The following SRRM4 variants were observed in gnomAD, a reference collection of about 807,000 sequenced individuals.
The protein encoded by SRRM4 is serine/arginine repetitive matrix 4.
SRRM4 carries 33 observed loss-of-function variants against 68.9 expected under a neutral mutation model. That is an observed-to-expected ratio of 0.48 (90% CI 0.36 to 0.64). The LOEUF (loss-of-function observed/expected upper bound fraction) is 0.64. Among genes scored for constraint, SRRM4 ranks in the 30% least tolerant of loss-of-function variants. SRRM4 has a pLI of 0.00. For missense variants in SRRM4, 817 were observed against 827.1 expected (o/e 0.99, Z 0.15); for synonymous variants, 318 against 318.8 (o/e 1.00, Z 0.03).
intron 1 of SRRM4, among the ~76,000 whole-genome samples, chr12:119,096,475 G>T (rs996651008): frequency 6.6e-6 from 1 of 152,206 alleles, no homozygotes; most frequent in African/African-American, 2.4e-5. Flanking sequence ...GAAGATGAGT[G>T]AGAAGTGCTT....
chr12:119,071,016 C>T (rs1953874800), intron 1 of SRRM4, among the ~76,000 whole-genome samples: 2 of 152,152 alleles, frequency 1.3e-5, no homozygotes, highest in Non-Finnish European at 1.5e-5. Flanking sequence ...ACCTCTCCCA[C>T]GGGGGCTTAG....
At chr12:119,003,268 C>T (rs897609448) in intron 1 of SRRM4, among the ~76,000 whole-genome samples, 8 of 151,688 alleles carry the variant, frequency 5.3e-5, no homozygotes, top group South Asian at 2.1e-4. Context: ...CTACCCCCTC[C>T]CCATCCCCCG....
chr12:119,109,542 T>A (rs1401425394), intron 2 of SRRM4, among the ~76,000 whole-genome samples: 2 of 152,192 alleles, frequency 1.3e-5, no homozygotes, highest in African/African-American at 4.8e-5. Context: ...TCTCTAAACT[T>A]CTCTTCTCAC....
intron 1 of SRRM4, among the ~76,000 whole-genome samples, chr12:119,065,077 C>G (rs1400295529): frequency 6.6e-6 from 1 of 152,128 alleles, no homozygotes; most frequent in East Asian, 1.9e-4. Flanking sequence ...GAGGTGGGTA[C>G]TATTAACATT....
rs1387724863 is a variant in SRRM4, at chr12:119,151,127, C to A, written c.1187C>A (p.Ala396Asp). 6.2e-7 allele frequency: 1 copy of A among 1,614,004 alleles called. No individual in the cohort carries two copies. Among genetic ancestry groups the A allele is most frequent in the South Asian group, 1.1e-5 (1 of 91,086 alleles). Reference protein sequence around the residue: ...MKGCSRSSSYASTRSSSHSSR... With the variant: ...MKGCSRSSSYDSTRSSSHSSR... The stretch of plus-strand genomic sequence containing the variant: ...GGGTGTTCCCGCAGCTCCTCCTATG[C>A]CAGCACCCGATCCTCCAGTCACTCG... The change falls in exon 10 of 13, where the codon GCC (alanine) becomes GAC (aspartate). Residue 396 changes from alanine (A) to aspartate (D), a missense_variant. Transcript: ENST00000267260.
At chr12:119,129,801 T>C (rs1352638198) in intron 7 of SRRM4, among the ~76,000 whole-genome samples, 1 of 151,920 alleles carries the variant, frequency 6.6e-6, no homozygotes, top group Admixed American at 6.6e-5. Context: ...GAATAGATTG[T>C]TGGTTAGGTA....
chr12:119,091,161 C>G (rs1386900078), intron 1 of SRRM4, among the ~76,000 whole-genome samples: 2 of 152,188 alleles, frequency 1.3e-5, no homozygotes, highest in Admixed American at 1.3e-4. Context: ...ACTGAGCCAT[C>G]CTCTCAGAAG....
chr12:119,110,229 A>G (rs1403658241), intron 2 of SRRM4, among the ~76,000 whole-genome samples: 1 of 152,180 alleles, frequency 6.6e-6, no homozygotes, highest in South Asian at 2.1e-4. Context: ...GGTGTCAGTC[A>G]GCCCTTACTG....
intron 7 of SRRM4, 51 bp downstream of exon 7, chr12:119,125,530 C>T: frequency 1.3e-6 from 2 of 1,526,108 alleles, no homozygotes; most frequent in Middle Eastern, 1.7e-4. Flanking sequence ...CGAGCCCAGG[C>T]TAAGACACTG....
chr12:119,047,457 A>G (rs561301231), intron 1 of SRRM4, among the ~76,000 whole-genome samples: 12 of 152,254 alleles, frequency 7.9e-5, no homozygotes, highest in African/African-American at 1.7e-4. Flanking sequence ...ACTGTACCCA[A>G]TGTGTAGTCT....
At position 119,161,103 on chromosome 12, in the gene SRRM4, G is replaced by A. The variant is rs556336698; in HGVS notation, c.*4305G>A. On this transcript the variant is annotated 3_prime_UTR_variant, in exon 13 of 13. Coordinates refer to ENST00000267260, the MANE Select transcript of SRRM4 (RefSeq NM_194286.4). ...GGCCAAAATTCAGGGTGCTCTCAAA[G>A]GCAAAGAAAGCACATTGTTTTCCTT... 3.3e-5 allele frequency: 5 copies of A among 152,210 alleles called. No homozygotes were observed. The highest frequency in any genetic ancestry group is 9.7e-5 in the African/African-American group (4 of 41,446). 9.4% of individuals were successfully genotyped at this position (152,210 alleles called of 1,614,324 possible). A position where few individuals can be genotyped will look rare whatever the true frequency, so the allele number is the denominator to read the frequency against.
At position 119,130,823 on chromosome 12, in the gene SRRM4, G is replaced by T. The variant is rs1275333104; in HGVS notation, c.760G>T (p.Ala254Ser). The change falls in exon 8 of 13, where the codon GCC becomes TCC. Residue 254 changes from alanine (A) to serine (S), a missense_variant. By Grantham distance (99) the Ala-to-Ser change is moderately conservative. Transcript: ENST00000267260. ...QPLQMLGYLS[A>S]RGVITGSGSA... ...CCTCCAGATGCTTGGCTACCTGTCA[G>T]CCAGGGGTGTAGTAAGTATTCTTCA... 4 of 1,604,700 alleles carry T rather than the reference G, an allele frequency of 2.5e-6. No individual in the cohort carries two copies. The highest frequency in any genetic ancestry group is 3.4e-6 in the Non-Finnish European group (4 of 1,179,568).
At chr12:119,079,703 G>A (rs1953936526) in intron 1 of SRRM4, among the ~76,000 whole-genome samples, 1 of 152,120 alleles carries the variant, frequency 6.6e-6, no homozygotes, top group Non-Finnish European at 1.5e-5. Context: ...CTACCCCACT[G>A]TAAACCCCCG....
intron 2 of SRRM4, among the ~76,000 whole-genome samples, chr12:119,113,355 C>G (rs1195728800): frequency 6.6e-6 from 1 of 152,184 alleles, no homozygotes; most frequent in African/African-American, 2.4e-5. Context: ...AGGAATCACA[C>G]AGGCCTTGAT....
chr12:119,050,032 G>T (rs1420230621), intron 1 of SRRM4, among the ~76,000 whole-genome samples: 1 of 152,198 alleles, frequency 6.6e-6, no homozygotes, highest in African/African-American at 2.4e-5. Flanking sequence ...CCTCAAACAA[G>T]TAGTAATCTA....
chr12:118,982,668 T>C (rs1026859336), intron 1 of SRRM4, among the ~76,000 whole-genome samples: 24 of 85,470 alleles, frequency 2.8e-4, no homozygotes, highest in South Asian at 7.0e-4. Context: ...AGTTTTATTT[T>C]GTTTTTTTTT....
intron 2 of SRRM4, among the ~76,000 whole-genome samples, chr12:119,107,403 C>T (rs1472082216): frequency 2.0e-5 from 3 of 152,154 alleles, no homozygotes; most frequent in Non-Finnish European, 4.4e-5. Flanking sequence ...GGTACCAACT[C>T]CTTTTTGTAC....
chr12:119,012,087 C>A (rs1019067636), intron 1 of SRRM4, among the ~76,000 whole-genome samples: 1 of 152,146 alleles, frequency 6.6e-6, no homozygotes. Flanking sequence ...TAGACAGTGT[C>A]CTGATATAAA....
chr12:119,063,985 A>G (rs1953830206), intron 1 of SRRM4, among the ~76,000 whole-genome samples: 2 of 152,192 alleles, frequency 1.3e-5, no homozygotes, highest in South Asian at 2.1e-4. Context: ...ACATAAGAAG[A>G]GCTCATACTT....
Sources: allele counts gnomAD v4.1 joint callset (sites outside exome capture counted in the v4.1 genomes callset), GRCh38; gene constraint gnomAD v4.1.1; transcripts MANE v1.5; gene names NCBI Gene and HGNC (gene_info 2026-07-23, HGNC 2026-07-21).